Variants in KHDRBS2 observed in about 807,000 individuals in gnomAD.
KHDRBS2 encodes the protein KH RNA binding domain containing, signal transduction associated 2, also known as KH domain-containing, RNA-binding, signal transduction-associated protein 2.
Under a neutral mutation model 44.3 loss-of-function variants are expected in KHDRBS2, and 26 were observed. That is an observed-to-expected ratio of 0.59 (90% CI 0.43 to 0.81). The LOEUF (loss-of-function observed/expected upper bound fraction) is 0.81. KHDRBS2 is among the 40% of genes least tolerant of loss of function. The probability of loss-of-function intolerance (pLI) is 0.00; values close to 1 mark genes in which losing one functional copy is unlikely to be tolerated. For missense variants in KHDRBS2, 476 were observed against 433.1 expected (o/e 1.10, Z -0.88); for synonymous variants, 194 against 151.1 (o/e 1.28, Z -2.08).
At chr6:61,558,736 G>T in the KHDRBS2 span, among the ~76,000 whole-genome samples, 1 of 152,124 alleles carries the variant, frequency 6.6e-6, no homozygotes, top group East Asian at 1.9e-4. Context: ...CAAAATTTCT[G>T]TTATTGCTGA....
chr6:62,118,162 C>A (rs1438928492), intron 2 of KHDRBS2, among the ~76,000 whole-genome samples: 1 of 152,144 alleles, frequency 6.6e-6, no homozygotes, highest in East Asian at 1.9e-4. Flanking sequence ...GTACCAATAC[C>A]CAAAGTATGT....
intron 8 of KHDRBS2, among the ~76,000 whole-genome samples, chr6:61,685,563 A>C (rs929437331): frequency 6.6e-6 from 1 of 151,810 alleles, no homozygotes; most frequent in Non-Finnish European, 1.5e-5. Context: ...TTATTAACTT[A>C]GGCTGCTATT....
chr6:61,861,083 G>A (rs372252099), intron 6 of KHDRBS2, among the ~76,000 whole-genome samples: 1 of 151,898 alleles, frequency 6.6e-6, no homozygotes, highest in Non-Finnish European at 1.5e-5. Context: ...TTTTAAATTA[G>A]TTTGAGTTCC....
At chr6:62,180,897 T>C (rs370782961) in intron 1 of KHDRBS2, among the ~76,000 whole-genome samples, 1 of 151,640 alleles carries the variant, frequency 6.6e-6, no homozygotes, top group Non-Finnish European at 1.5e-5. Context: ...TACATGTATG[T>C]TCAATTGTTC....
At chr6:61,960,825 AAGAATTCCAATG>A (rs1281344845) in intron 4 of KHDRBS2, among the ~76,000 whole-genome samples, 1 of 152,156 alleles carries the variant, frequency 6.6e-6, no homozygotes, top group Non-Finnish European at 1.5e-5. Context: ...TAAAGAGTAG[AAGAATTCCAATG>A]AGGTATCTCG....
chr6:61,795,813 G>A (rs1316972418), intron 6 of KHDRBS2, among the ~76,000 whole-genome samples: 1 of 152,022 alleles, frequency 6.6e-6, no homozygotes, highest in Admixed American at 6.6e-5. Context: ...GTCTGCTCCA[G>A]TTCAATAATC....
chr6:62,131,314 G>A (rs139876040), intron 2 of KHDRBS2, among the ~76,000 whole-genome samples: 42 of 152,242 alleles, frequency 2.8e-4, no homozygotes, highest in African/African-American at 6.3e-4. Context: ...TAATTAAATC[G>A]TTACAAGGAT....
chr6:61,737,359 A>C (rs554830513), intron 6 of KHDRBS2, among the ~76,000 whole-genome samples: 1 of 152,240 alleles, frequency 6.6e-6, no homozygotes, highest in East Asian at 1.9e-4. Flanking sequence ...ATATTTTTCC[A>C]ATACTTGATA....
chr6:62,133,480 C>T (rs1420838690), intron 2 of KHDRBS2, among the ~76,000 whole-genome samples: 1 of 152,150 alleles, frequency 6.6e-6, no homozygotes, highest in Non-Finnish European at 1.5e-5. Context: ...ACCTCTTTTC[C>T]TTTATAAATT....
At chr6:61,703,055 T>C (rs1313534289) in intron 7 of KHDRBS2, among the ~76,000 whole-genome samples, 1 of 151,876 alleles carries the variant, frequency 6.6e-6, no homozygotes, top group African/African-American at 2.4e-5. Flanking sequence ...ATTGTAACAA[T>C]GTGTTTAGAA....
At chr6:61,703,673 T>A (rs1203652123) in intron 7 of KHDRBS2, among the ~76,000 whole-genome samples, 1 of 151,886 alleles carries the variant, frequency 6.6e-6, no homozygotes, top group East Asian at 1.9e-4. Context: ...TCCAAGAAAG[T>A]GCTATTTAAA....
At chr6:61,544,102 AG>A in the KHDRBS2 span, among the ~76,000 whole-genome samples, 2 of 152,108 alleles carry the variant, frequency 1.3e-5, no homozygotes, top group African/African-American at 4.8e-5. Context: ...AATAACTAAA[AG>A]AATATAATTG....
intron 1 of KHDRBS2, among the ~76,000 whole-genome samples, chr6:62,179,722 C>A (rs957740987): frequency 6.6e-6 from 1 of 151,706 alleles, no homozygotes; most frequent in Non-Finnish European, 1.5e-5. Flanking sequence ...AAAACTACTA[C>A]CTTAGGCTTT....
chr6:61,828,292 G>C (rs2127259316), intron 6 of KHDRBS2, among the ~76,000 whole-genome samples: 1 of 152,272 alleles, frequency 6.6e-6, no homozygotes, highest in East Asian at 1.9e-4. Flanking sequence ...GATCACATCT[G>C]TTTCCCAATT....
chr6:62,095,201 G>T (rs1253633067), intron 2 of KHDRBS2, among the ~76,000 whole-genome samples: 1 of 151,630 alleles, frequency 6.6e-6, no homozygotes, highest in African/African-American at 2.4e-5. Flanking sequence ...TTTCACAATA[G>T]CTATGAAATA....
At chr6:62,200,170 C>T (rs1257974500) in intron 1 of KHDRBS2, among the ~76,000 whole-genome samples, 1 of 152,090 alleles carries the variant, frequency 6.6e-6, no homozygotes, top group Non-Finnish European at 1.5e-5. Context: ...AGGACATAGG[C>T]ATGGGCAAGG....
chr6:61,557,400 C>T, the KHDRBS2 span, among the ~76,000 whole-genome samples: 902 of 152,262 alleles, frequency 5.9e-3, 1 homozygote, highest in Non-Finnish European at 9.0e-3. Flanking sequence ...GAGAGTGTCT[C>T]TCCTGCCATG....
At chr6:62,224,447 G>A (rs991865117) in intron 1 of KHDRBS2, among the ~76,000 whole-genome samples, 1 of 152,048 alleles carries the variant, frequency 6.6e-6, no homozygotes, top group Non-Finnish European at 1.5e-5. Flanking sequence ...ATGGGAATAC[G>A]ACTCCCTAAA....
chr6:61,618,616 C>A, the KHDRBS2 span, among the ~76,000 whole-genome samples: 5 of 152,018 alleles, frequency 3.3e-5, no homozygotes, highest in Non-Finnish European at 5.9e-5. Context: ...GTTCCTCTCC[C>A]TCTTCACACC....
Sources: gnomAD v4.1 joint callset for allele counts (sites outside exome capture counted in the v4.1 genomes callset) on GRCh38, gnomAD v4.1.1 for gene constraint, MANE v1.5 for transcripts, NCBI Gene and HGNC (gene_info 2026-07-23, HGNC 2026-07-21) for gene names.